Variants in ZCCHC9 observed in about 807,000 individuals in gnomAD.
The protein encoded by ZCCHC9 is zinc finger CCHC domain-containing protein 9.
ZCCHC9 carries 18 observed loss-of-function variants against 30.8 expected under a neutral mutation model. The observed-to-expected ratio is 0.58, with a 90% confidence interval of 0.40 to 0.87. ZCCHC9 has a LOEUF of 0.87. Among genes scored for constraint, ZCCHC9 ranks in the 40% least tolerant of loss-of-function variants. ZCCHC9 has a pLI of 0.00. For missense variants in ZCCHC9, 279 were observed against 331.2 expected (o/e 0.84, Z 1.22); for synonymous variants, 94 against 106.7 (o/e 0.88, Z 0.73).
At chr5:81,308,487 GTT>G in intron 2 of ZCCHC9, 72 bp from the exon 3 acceptor site, 1 of 1,425,972 alleles carries the variant, frequency 7.0e-7, no homozygotes, top group Non-Finnish European at 9.2e-7. Context: ...TTTTAAATAT[GTT>G]TTTGATAACA....
In ZCCHC9 at chr5:81,301,681, G is replaced by T. The variant is rs1031951009; in HGVS notation, c.-35G>T. ...GGGGATTCGTGCGCGGTAAGAAGCT[G>T]CGCGGTAGCGCGGTGAGGTGAGGTT... On this transcript the variant is annotated 5_prime_UTR_variant, in exon 1 of 6. Transcript: ENST00000407610. The T allele has an allele frequency of 1.3e-5, 2 of 152,488 alleles. No homozygotes were observed. Among genetic ancestry groups the T allele is most frequent in the African/African-American group, 2.4e-5 (1 of 41,490 alleles). 9.4% of individuals were successfully genotyped at this position (152,488 alleles called of 1,614,324 possible).
intron 5 of ZCCHC9, among the ~76,000 whole-genome samples, chr5:81,311,943 C>CTTT (rs3052888): frequency 2.0e-5 from 3 of 151,936 alleles, no homozygotes; most frequent in Admixed American, 6.6e-5. Context: ...GGAAAGAGCA[C>CTTT]TTTTTTTTAT....
In ZCCHC9 at chr5:81,304,800, C is replaced by G. The variant is rs16878594; in HGVS notation, c.43C>G (p.Pro15Ala). 145,809 of 1,611,384 alleles carry G rather than the reference C, an allele frequency of 0.09. 7,085 individuals are homozygous for G. Among genetic ancestry groups the G allele is most frequent in the Middle Eastern group, 0.13 (813 of 6,042 alleles). Reference protein sequence around the residue: ...ARVSTTYNKRPLPATSWEDMK... With the variant: ...ARVSTTYNKRALPATSWEDMK... Reference sequence around the variant, plus strand: ...AGTTAGTACCACATATAACAAGAGACCCTTGCCTGCAACATCATGGGAGGA... The same window carrying G: ...AGTTAGTACCACATATAACAAGAGAGCCTTGCCTGCAACATCATGGGAGGA... Residue 15 changes from proline to alanine, a missense_variant, in exon 2 of 6, where the codon CCC (proline) becomes GCC (alanine). Coordinates refer to ENST00000407610, the MANE Select transcript of ZCCHC9 (RefSeq NM_001131035.2).
rs1758276703 is a variant in ZCCHC9, at chr5:81,311,288, T to G, written c.697+9T>G. On this transcript the variant is annotated intron_variant, in intron 5 of 5. Coordinates refer to ENST00000407610, the MANE Select transcript of ZCCHC9 (RefSeq NM_001131035.2). ...TGAAAGTCAGAATTCAGGTGAGATC[T>G]CTGGGCCTCTACTTAGAAGGGGTGA... 1 of 1,613,694 alleles carries G rather than the reference T, an allele frequency of 6.2e-7. No homozygotes were observed. Among genetic ancestry groups the G allele is most frequent in the African/African-American group, 1.3e-5 (1 of 74,914 alleles).
intron 1 of ZCCHC9, 94 bp from the exon 2 acceptor site, chr5:81,304,647 A>T (rs1758040005): frequency 6.5e-6 from 7 of 1,070,860 alleles, no homozygotes; most frequent in Admixed American, 2.9e-5. Context: ...ACATATGGGC[A>T]TATGTGACAT....
intron 4 of ZCCHC9, among the ~76,000 whole-genome samples, chr5:81,310,824 A>C (rs1161636293): frequency 6.6e-6 from 1 of 152,222 alleles, no homozygotes; most frequent in Non-Finnish European, 1.5e-5. Context: ...TGAGAATCTG[A>C]CATGCTATTC....
chr5:81,312,749 A>G lies in ZCCHC9; in HGVS notation c.*87A>G. ...ACGAGTTAGAGTTGAGCTCCCCTGT[A>G]GCCAGGACTATGCTGTAGATATCAG... On this transcript the variant is annotated 3_prime_UTR_variant, in exon 6 of 6. Transcript: ENST00000407610. 1.1e-6 allele frequency: 1 copy of G among 948,374 alleles called. No homozygotes were observed. The highest frequency in any genetic ancestry group is 1.7e-6 in the Non-Finnish European group (1 of 596,036). The allele number at this position is 948,374 out of a possible 1,614,324, so 58.7% of individuals were successfully genotyped here.
chr5:81,308,906 T>C (rs111600352), intron 3 of ZCCHC9, 40 bp from the exon 4 acceptor site: 2 of 1,539,876 alleles, frequency 1.3e-6, no homozygotes, highest in Non-Finnish European at 1.8e-6. Flanking sequence ...TGACTTGCCA[T>C]ATGTATTGTC....
At chr5:81,311,583 C>T (rs748340254) in intron 5 of ZCCHC9, among the ~76,000 whole-genome samples, 2 of 152,076 alleles carry the variant, frequency 1.3e-5, no homozygotes, top group Non-Finnish European at 2.9e-5. Context: ...CTGTTACTTA[C>T]AGAAAAATAT....
rs1472780933 is a variant in ZCCHC9, at chr5:81,301,673, AAGAAGCTGCGCGGTAGCGCGGTG to A, written c.-40_-18del. 1 of 152,482 alleles carries A rather than the reference AAGAAGCTGCGCGGTAGCGCGGTG, an allele frequency of 6.6e-6. No homozygotes were observed. Among genetic ancestry groups the A allele is most frequent in the Non-Finnish European group, 1.5e-5 (1 of 68,264 alleles). The allele number at this position is 152,482 out of a possible 1,614,324, so 9.4% of individuals were successfully genotyped here. A position where few individuals can be genotyped will look rare whatever the true frequency, so the allele number is the denominator to read the frequency against. On this transcript the variant is annotated splice_region_variant and 5_prime_UTR_variant, in exon 1 of 6. The change creates a premature stop within an existing upstream ORF in the 5' untranslated region. Coordinates refer to ENST00000407610, the MANE Select transcript of ZCCHC9 (RefSeq NM_001131035.2). ...CTGCTCTGGGGGATTCGTGCGCGGTAAGAAGCTGCGCGGTAGCGCGGTGAGGTGAGGTTCTCAGCCACCAAAGC... is the reference window on the plus strand; with the variant it reads ...CTGCTCTGGGGGATTCGTGCGCGGTAAGGTGAGGTTCTCAGCCACCAAAGC...
At chr5:81,303,570 T>A (rs1018959696) in intron 1 of ZCCHC9, 1 of 160,362 alleles carries the variant, frequency 6.2e-6, no homozygotes, top group African/African-American at 2.4e-5. Flanking sequence ...GGCAGTAACA[T>A]GAATGGAGCT....
chr5:81,306,076 A>G (rs1758075158), intron 2 of ZCCHC9, among the ~76,000 whole-genome samples: 1 of 152,210 alleles, frequency 6.6e-6, no homozygotes, highest in Non-Finnish European at 1.5e-5. Flanking sequence ...GCCTAGCCCT[A>G]GATTTTAAAG....
rs895148587 is a variant in ZCCHC9 at position 81,301,659 on chromosome 5, G to C, written c.-57G>C. On this transcript the variant is annotated 5_prime_UTR_variant, in exon 1 of 6. Coordinates refer to ENST00000407610, the MANE Select transcript of ZCCHC9 (RefSeq NM_001131035.2). ...GCTCGCCAACTCGGCTGCTCTGGGG[G>C]ATTCGTGCGCGGTAAGAAGCTGCGC... 1 of 152,468 alleles carries C rather than the reference G, an allele frequency of 6.6e-6. No individual in the cohort carries two copies. Among genetic ancestry groups the C allele is most frequent in the African/African-American group, 2.4e-5 (1 of 41,416 alleles). 9.4% of individuals were successfully genotyped at this position (152,468 alleles called of 1,614,324 possible). A position where few individuals can be genotyped will look rare whatever the true frequency, so the allele number is the denominator to read the frequency against.
chr5:81,310,249 A>AT (rs1758237362), intron 4 of ZCCHC9, among the ~76,000 whole-genome samples: 1 of 149,966 alleles, frequency 6.7e-6, no homozygotes, highest in Non-Finnish European at 1.5e-5. Flanking sequence ...GTGTGCCTTG[A>AT]TTTTATACCT....
chr5:81,308,784 A>T, intron 3 of ZCCHC9, 73 bp downstream of exon 3: 1 of 1,540,148 alleles, frequency 6.5e-7, no homozygotes, highest in Non-Finnish European at 8.7e-7. Context: ...TATTTTTTTA[A>T]CACAATTTGT....
chr5:81,306,902 C>T (rs1484536002), intron 2 of ZCCHC9, among the ~76,000 whole-genome samples: 3 of 152,234 alleles, frequency 2.0e-5, no homozygotes, highest in East Asian at 3.9e-4. Flanking sequence ...CAGGTTTTAG[C>T]AGTAGCTTTT....
chr5:81,309,110 C>A, intron 4 of ZCCHC9, 72 bp downstream of exon 4: 2 of 1,136,498 alleles, frequency 1.8e-6, no homozygotes, highest in Non-Finnish European at 2.5e-6. Context: ...TACACTCAAT[C>A]ACAGTTCTTG....
At chr5:81,308,305 A>C (rs540754780) in intron 2 of ZCCHC9, 3 of 334,636 alleles carry the variant, frequency 9.0e-6, no homozygotes, top group African/African-American at 6.4e-5. Flanking sequence ...ATTGCCGTCT[A>C]CAAAGCCACA....
intron 5 of ZCCHC9, 132 bp downstream of exon 5, chr5:81,311,411 G>A: frequency 1.1e-6 from 1 of 940,526 alleles, no homozygotes; most frequent in Non-Finnish European, 1.7e-6. Context: ...CTGTAGCAAT[G>A]ACTTAATCTC....
Sources: gnomAD v4.1 joint callset for allele counts (sites outside exome capture counted in the v4.1 genomes callset) on GRCh38, gnomAD v4.1.1 for gene constraint, MANE v1.5 for transcripts, NCBI Gene and HGNC (gene_info 2026-07-23, HGNC 2026-07-21) for gene names.